The following DNER variants were observed in gnomAD, a reference collection of about 807,000 sequenced individuals.
The protein encoded by DNER is delta and Notch-like epidermal growth factor-related receptor.
Under a neutral mutation model 78.2 loss-of-function variants are expected in DNER, and 33 were observed. The observed-to-expected ratio is 0.42, with a 90% confidence interval of 0.32 to 0.56. DNER has a LOEUF of 0.56. Among genes scored for constraint, DNER ranks in the 20% least tolerant of loss-of-function variants. The probability of loss-of-function intolerance (pLI) is 0.11; values close to 1 mark genes in which losing one functional copy is unlikely to be tolerated. For synonymous variants in DNER, 417 were observed against 384.8 expected (o/e 1.08, Z -0.98); for missense variants, 918 against 975.3 (o/e 0.94, Z 0.78).
chr2:229,669,249 G>T (rs1254505582), intron 1 of DNER, among the ~76,000 whole-genome samples: 1 of 151,978 alleles, frequency 6.6e-6, no homozygotes, highest in Non-Finnish European at 1.5e-5. Context: ...AGAGCATTAG[G>T]ACAAATACCT....
chr2:229,375,681 A>G (rs1419104036), intron 11 of DNER, among the ~76,000 whole-genome samples: 2 of 152,244 alleles, frequency 1.3e-5, no homozygotes, highest in African/African-American at 4.8e-5. Context: ...AAATCAAAAT[A>G]TTAAATGCAA....
chr2:229,441,609 G>C (rs1221669073), intron 8 of DNER, among the ~76,000 whole-genome samples: 1 of 152,158 alleles, frequency 6.6e-6, no homozygotes, highest in Non-Finnish European at 1.5e-5. Context: ...TGCTGTATTT[G>C]GTAAAGAGGA....
intron 5 of DNER, among the ~76,000 whole-genome samples, chr2:229,541,789 T>A (rs947594813): frequency 6.6e-5 from 10 of 151,430 alleles, no homozygotes; most frequent in African/African-American, 9.7e-5. Flanking sequence ...CATTAGATAT[T>A]GCACTTGCCA....
At chr2:229,490,055 G>T (rs1574866541) in intron 6 of DNER, among the ~76,000 whole-genome samples, 3 of 152,212 alleles carry the variant, frequency 2.0e-5, no homozygotes, top group Admixed American at 2.0e-4. Flanking sequence ...CAAAGGAGGA[G>T]GAGAAAGCGG....
chr2:229,713,496 G>T (rs1262246642), intron 1 of DNER, among the ~76,000 whole-genome samples: 2 of 152,332 alleles, frequency 1.3e-5, no homozygotes, highest in Middle Eastern at 3.4e-3. Flanking sequence ...CCCTGCCAGC[G>T]CCACGTACAA....
chr2:229,648,429 C>A (rs942164283), intron 1 of DNER, among the ~76,000 whole-genome samples: 1 of 152,250 alleles, frequency 6.6e-6, no homozygotes, highest in Non-Finnish European at 1.5e-5. Context: ...TGGAGTAACA[C>A]TTAAGCTGTT....
intron 1 of DNER, among the ~76,000 whole-genome samples, chr2:229,626,248 A>T (rs558631017): frequency 6.6e-6 from 1 of 152,296 alleles, no homozygotes; most frequent in Non-Finnish European, 1.5e-5. Flanking sequence ...CATAGGTTGG[A>T]GTAGAAGTTT....
intron 1 of DNER, among the ~76,000 whole-genome samples, chr2:229,703,370 A>C (rs543096261): frequency 6.6e-6 from 1 of 152,366 alleles, no homozygotes; most frequent in African/African-American, 2.4e-5. Context: ...AACTACCCAT[A>C]CATTGCACCA....
chr2:229,394,532 C>T (rs961772165), intron 10 of DNER, among the ~76,000 whole-genome samples: 4 of 152,180 alleles, frequency 2.6e-5, no homozygotes, highest in African/African-American at 7.2e-5. Context: ...GGGAATGAAG[C>T]GTCTGTGTGG....
At chr2:229,440,682 C>T (rs6436869) in intron 8 of DNER, among the ~76,000 whole-genome samples, 88,715 of 152,126 alleles carry the variant, frequency 0.58, 28,004 homozygotes, top group African/African-American at 0.83. Context: ...AACCATTTAC[C>T]GACACATCCA....
At chr2:229,597,095 A>T (rs543369494) in intron 1 of DNER, among the ~76,000 whole-genome samples, 6 of 61,954 alleles carry the variant, frequency 9.7e-5, no homozygotes, top group African/African-American at 2.9e-4. Flanking sequence ...ACACATGCAC[A>T]CACACATGCA....
At chr2:229,464,837 G>C (rs138385659) in intron 7 of DNER, among the ~76,000 whole-genome samples, 129 of 152,254 alleles carry the variant, frequency 8.5e-4, no homozygotes, top group African/African-American at 3.1e-3. Context: ...CTATGAAGAA[G>C]GGTACAGGGT....
At chr2:229,515,637 T>G (rs1336181895) in intron 5 of DNER, among the ~76,000 whole-genome samples, 2 of 91,446 alleles carry the variant, frequency 2.2e-5, no homozygotes, top group Non-Finnish European at 5.2e-5. Flanking sequence ...CAAGTTAGCT[T>G]TATTTTTTTA....
intron 6 of DNER, among the ~76,000 whole-genome samples, chr2:229,509,356 A>G (rs537721461): frequency 6.6e-6 from 1 of 152,374 alleles, no homozygotes; most frequent in Non-Finnish European, 1.5e-5. Flanking sequence ...AGATTCATCA[A>G]TAGAGGAATA....
At chr2:229,544,803 G>T (rs1020508418) in intron 5 of DNER, among the ~76,000 whole-genome samples, 11 of 152,274 alleles carry the variant, frequency 7.2e-5, no homozygotes, top group African/African-American at 2.6e-4. Flanking sequence ...CAAAGTGCTG[G>T]GATTACAGGC....
chr2:229,480,477 C>T (rs187929252), intron 6 of DNER, among the ~76,000 whole-genome samples: 2 of 152,030 alleles, frequency 1.3e-5, no homozygotes, highest in East Asian at 3.9e-4. Context: ...TCTTAAGAAC[C>T]ACAACTGTCT....
At chr2:229,481,407 G>A (rs766500181) in intron 6 of DNER, among the ~76,000 whole-genome samples, 5 of 152,210 alleles carry the variant, frequency 3.3e-5, no homozygotes, top group Non-Finnish European at 7.3e-5. Flanking sequence ...GGAGCCAGGA[G>A]CATCCTGTGG....
intron 5 of DNER, among the ~76,000 whole-genome samples, chr2:229,517,662 G>A (rs560090290): frequency 3.9e-5 from 6 of 152,312 alleles, no homozygotes; most frequent in Admixed American, 2.6e-4. Flanking sequence ...GTCAAATCCC[G>A]TGGGATGGTG....
At chr2:229,486,744 A>G (rs1695284230) in intron 6 of DNER, among the ~76,000 whole-genome samples, 1 of 152,216 alleles carries the variant, frequency 6.6e-6, no homozygotes, top group Admixed American at 6.5e-5. Context: ...CAATATGCCA[A>G]TATTTTTGGA....
Sources: gnomAD v4.1 joint callset for allele counts (sites outside exome capture counted in the v4.1 genomes callset) on GRCh38, gnomAD v4.1.1 for gene constraint, MANE v1.5 for transcripts, NCBI Gene and HGNC (gene_info 2026-07-23, HGNC 2026-07-21) for gene names.